ZFYVE21: variants seen among roughly 807,000 people sequenced by gnomAD.
ZFYVE21 encodes the protein zinc finger FYVE domain-containing protein 21.
Under a neutral mutation model 29.5 loss-of-function variants are expected in ZFYVE21, and 21 were observed. That is an observed-to-expected ratio of 0.71 (90% CI 0.50 to 1.02). The LOEUF is 1.02. Ranked by LOEUF, ZFYVE21 falls within the 50% of genes least tolerant of loss-of-function variation. The pLI is 0.00. For synonymous variants in ZFYVE21, 151 were observed against 133.8 expected (o/e 1.13, Z -0.89); for missense variants, 326 against 335.4 (o/e 0.97, Z 0.22).
Position 103,733,094 on chromosome 14 carries a change from G to C in ZFYVE21, c.*76G>C, listed in dbSNP as rs2084002071. 1.9e-6 allele frequency: 3 copies of C among 1,587,788 alleles called. No individual in the cohort carries two copies. In the South Asian group the frequency reaches 3.3e-5, roughly 18 times the overall value. On this transcript the variant is annotated 3_prime_UTR_variant, in exon 7 of 7. Coordinates refer to ENST00000311141, the MANE Select transcript of ZFYVE21 (RefSeq NM_024071.4). ...CTTGGAACAGCAGAGCCTGCTCCTTGCGTACCACAGGGATTAATCCTGCTT... is the reference window on the plus strand; with the variant it reads ...CTTGGAACAGCAGAGCCTGCTCCTTCCGTACCACAGGGATTAATCCTGCTT...
intron 5 of ZFYVE21, 92 bp from the exon 6 acceptor site, chr14:103,732,528 G>A: frequency 6.9e-7 from 1 of 1,452,600 alleles, no homozygotes; most frequent in Non-Finnish European, 9.2e-7. Context: ...GCAGCACAAG[G>A]TTAGGATGTG....
At position 103,716,100 on chromosome 14, in the gene ZFYVE21, C is replaced by T. The variant is rs2083803837; in HGVS notation, c.138+121C>T. ...TCCGGGCGGCCCCTTCCCCAGCCGG[C>T]CCCCGCCCCCGCTCTCTCCCAGGTT... On this transcript the variant is annotated intron_variant, in intron 1 of 6. Transcript: ENST00000311141. The surrounding 1 kb of genome is among the most constrained non-coding windows in gnomAD (Gnocchi z 4.8). The T allele has an allele frequency of 3.1e-6, 3 of 956,296 alleles. No homozygotes were observed. The highest frequency in any genetic ancestry group is 3.9e-6 in the Non-Finnish European group (3 of 767,764). 59.2% of individuals were successfully genotyped at this position (956,296 alleles called of 1,614,324 possible). A position where few individuals can be genotyped will look rare whatever the true frequency, so the allele number is the denominator to read the frequency against.
chr14:103,716,095 G>GCCGGCC lies in ZFYVE21; in HGVS notation c.138+119_138+124dup. ...CCGCCTCCGGGCGGCCCCTTCCCCA[G>GCCGGCC]CCGGCCCCCGCCCCCGCTCTCTCCC... On this transcript the variant is annotated intron_variant, in intron 1 of 6. Transcript: ENST00000311141. The surrounding 1 kb of genome is among the most constrained non-coding windows in gnomAD (Gnocchi z 4.8). The GCCGGCC allele has an allele frequency of 1.0e-6, 1 of 983,612 alleles. No individual in the cohort carries two copies. The highest frequency in any genetic ancestry group is 1.3e-6 in the Non-Finnish European group (1 of 791,862). 60.9% of individuals were successfully genotyped at this position (983,612 alleles called of 1,614,324 possible).
chr14:103,727,709 GC>G, intron 2 of ZFYVE21, 36 bp from the exon 3 acceptor site: 1 of 1,595,338 alleles, frequency 6.3e-7, no homozygotes, highest in Non-Finnish European at 8.5e-7. Flanking sequence ...CTTGTTCCCT[GC>G]CCCTCCTCAC....
At position 103,715,858 on chromosome 14, in the gene ZFYVE21, C is replaced by G. The variant is rs2083797919; in HGVS notation, c.17C>G (p.Ser6Cys). 1 of 1,423,758 alleles carries G rather than the reference C, an allele frequency of 7.0e-7. No individual in the cohort carries two copies. Among genetic ancestry groups the G allele is most frequent in the Non-Finnish European group, 9.2e-7 (1 of 1,084,154 alleles). 88.2% of individuals were successfully genotyped at this position (1,423,758 alleles called of 1,614,324 possible). A position where few individuals can be genotyped will look rare whatever the true frequency, so the allele number is the denominator to read the frequency against. Residue 6 changes from serine to cysteine, a missense_variant, in exon 1 of 7, where the codon TCC becomes TGC. Physicochemically the swap from Ser to Cys is moderately radical, Grantham distance 112. Transcript: ENST00000311141. Reference protein sequence around the residue: MSSEVSARRDAKKLVR... With the variant: MSSEVCARRDAKKLVR... Reference sequence around the variant, plus strand: ...GGCGGCGTCATGTCCTCCGAGGTGTCCGCGCGCCGCGACGCCAAGAAGCTG... The same window carrying G: ...GGCGGCGTCATGTCCTCCGAGGTGTGCGCGCGCCGCGACGCCAAGAAGCTG...
intron 5 of ZFYVE21, 119 bp from the exon 6 acceptor site, chr14:103,732,501 G>A: frequency 1.5e-6 from 2 of 1,291,306 alleles, no homozygotes; most frequent in Non-Finnish European, 2.1e-6. Flanking sequence ...AGCCCTCACT[G>A]CCAGGCTACT....
intron 2 of ZFYVE21, chr14:103,727,466 G>A (rs2083938616): frequency 1.7e-6 from 1 of 580,738 alleles, no homozygotes; most frequent in Admixed American, 2.2e-5. Flanking sequence ...GAGGCGCGAG[G>A]GCGTCCTAAG....
At chr14:103,727,655 TGGCCCGG>T (rs757755716) in intron 2 of ZFYVE21, 84 bp from the exon 3 acceptor site, 10 of 1,533,338 alleles carry the variant, frequency 6.5e-6, no homozygotes, top group Non-Finnish European at 8.9e-6. Context: ...CGTTTAGGCG[TGGCCCGG>T]GGAGTGCCAG....
intron 1 of ZFYVE21, chr14:103,725,765 G>T (rs1595690689): frequency 6.6e-6 from 1 of 152,278 alleles, no homozygotes; most frequent in East Asian, 1.9e-4. Context: ...AATGCAGGGA[G>T]CATCTTAAAT....
chr14:103,727,375 T>TG, intron 2 of ZFYVE21: 1 of 182,000 alleles, frequency 5.5e-6, no homozygotes, highest in Non-Finnish European at 1.1e-5. Context: ...CCGCCCCCTC[T>TG]GCCCCCTCCG....
intron 1 of ZFYVE21, among the ~76,000 whole-genome samples, chr14:103,718,749 G>C (rs140603075): frequency 6.6e-6 from 1 of 152,176 alleles, no homozygotes; most frequent in Non-Finnish European, 1.5e-5. Context: ...AATCCTTGCC[G>C]CTGTGCACCC....
In ZFYVE21 at chr14:103,732,780, A is replaced by G; in HGVS notation, c.669+18A>G. ...TGCACAAGGTACCTGAGCCCAGGCC[A>G]GGGAGGCTGGGCCCTTTGGCTTAGA... On this transcript the variant is annotated intron_variant, in intron 6 of 6. Transcript: ENST00000311141. The G allele has an allele frequency of 6.2e-7, 1 of 1,609,596 alleles. No homozygotes were observed. The highest frequency in any genetic ancestry group is 8.5e-7 in the Non-Finnish European group (1 of 1,178,382).
At chr14:103,729,763 C>T (rs936334948) in intron 5 of ZFYVE21, 11 of 1,536,346 alleles carry the variant, frequency 7.2e-6, no homozygotes, top group Non-Finnish European at 9.6e-6. Flanking sequence ...TGCTCCTTCT[C>T]GCCACTGCCT....
At chr14:103,718,650 G>A (rs1183224827) in intron 1 of ZFYVE21, among the ~76,000 whole-genome samples, 1 of 152,184 alleles carries the variant, frequency 6.6e-6, no homozygotes, top group Non-Finnish European at 1.5e-5. Flanking sequence ...CGACACTGAC[G>A]CAAGGCAGTG....
chr14:103,727,966 G>T (rs747870460), intron 3 of ZFYVE21, 52 bp downstream of exon 3: 22 of 1,553,524 alleles, frequency 1.4e-5, no homozygotes, highest in Non-Finnish European at 1.9e-5. Flanking sequence ...CCGGCTCCTC[G>T]TGTCTGTGGC....
intron 1 of ZFYVE21, among the ~76,000 whole-genome samples, chr14:103,720,209 G>A (rs2083861549): frequency 6.6e-6 from 1 of 152,150 alleles, no homozygotes; most frequent in South Asian, 2.1e-4. Flanking sequence ...CTGCTCTTTG[G>A]ATTCTCCTTT....
At chr14:103,723,066 C>A (rs755370582) in intron 1 of ZFYVE21, among the ~76,000 whole-genome samples, 2 of 152,244 alleles carry the variant, frequency 1.3e-5, no homozygotes, top group Non-Finnish European at 2.9e-5. Context: ...AGCCCTCTCC[C>A]CTCCTGTCGG....
At chr14:103,726,599 C>A in intron 1 of ZFYVE21, 193 bp from the exon 2 acceptor site, 1 of 680,728 alleles carries the variant, frequency 1.5e-6, no homozygotes, top group Non-Finnish European at 2.6e-6. Context: ...CAGCCTGCAC[C>A]CCACCGCATT....
At chr14:103,730,232 C>G in intron 5 of ZFYVE21, 1 of 226,548 alleles carries the variant, frequency 4.4e-6, no homozygotes, top group South Asian at 8.5e-5. Context: ...CTCCTGGGAC[C>G]CCTGACTCTC....
Sources: allele counts gnomAD v4.1 joint callset (sites outside exome capture counted in the v4.1 genomes callset), GRCh38; gene constraint gnomAD v4.1.1; non-coding constraint Gnocchi (gnomAD v3.1); transcripts MANE v1.5; gene names NCBI Gene and HGNC (gene_info 2026-07-23, HGNC 2026-07-21).